Variants in MYO16 observed in about 807,000 individuals in gnomAD.
The protein encoded by MYO16 is unconventional myosin-XVI.
Under a neutral mutation model 205.3 loss-of-function variants are expected in MYO16, and 94 were observed. The ratio of observed to expected loss-of-function variants is 0.46; its 90% CI spans 0.39 to 0.54. The LOEUF (loss-of-function observed/expected upper bound fraction) is 0.54, where lower values mean the gene tolerates loss of function less well. MYO16 is among the 20% of genes least tolerant of loss of function. The pLI is 0.00. For synonymous variants in MYO16, 988 were observed against 954.0 expected, an observed-to-expected ratio of 1.04 and a Z score of -0.66; for missense variants, 2,315 against 2,387.5, an observed-to-expected ratio of 0.97 and a Z score of 0.63.
intron 32 of MYO16, among the ~76,000 whole-genome samples, chr13:109,151,980 T>C (rs1225659921): frequency 6.6e-6 from 1 of 152,180 alleles, no homozygotes; most frequent in African/African-American, 2.4e-5. Context: ...GGAGGGGACA[T>C]ACAGGAGTGC....
intron 9 of MYO16, among the ~76,000 whole-genome samples, chr13:108,828,931 C>T (rs1282572464): frequency 2.6e-5 from 4 of 152,310 alleles, no homozygotes; most frequent in African/African-American, 9.6e-5. Flanking sequence ...ATTTGTTTGC[C>T]AGTCTTGTCT....
intron 16 of MYO16, among the ~76,000 whole-genome samples, chr13:108,954,009 G>A (rs1275826431): frequency 6.6e-6 from 1 of 152,302 alleles, no homozygotes; most frequent in South Asian, 2.1e-4. Flanking sequence ...CCATTACGTA[G>A]TTAACAGACC....
chr13:108,690,812 T>A (rs1474769340), intron 2 of MYO16, among the ~76,000 whole-genome samples: 1 of 152,190 alleles, frequency 6.6e-6, no homozygotes, highest in Non-Finnish European at 1.5e-5. Context: ...TAAAATAAAA[T>A]ACTATTTTAA....
intron 28 of MYO16, among the ~76,000 whole-genome samples, chr13:109,108,332 G>A (rs1252699224): frequency 1.3e-5 from 2 of 152,192 alleles, no homozygotes; most frequent in Admixed American, 1.3e-4. Context: ...GGTATCTGCA[G>A]TGCGTTTGGG....
intron 11 of MYO16, 38 bp from the exon 12 acceptor site, chr13:108,866,139 A>C (rs1254101285): frequency 1.5e-6 from 2 of 1,365,532 alleles, no homozygotes; most frequent in Non-Finnish European, 2.0e-6. Flanking sequence ...GATGCTATTT[A>C]TATGACTCAT....
chr13:108,957,408 C>T (rs1054714049), intron 16 of MYO16, among the ~76,000 whole-genome samples: 2 of 103,188 alleles, frequency 1.9e-5, no homozygotes, highest in Non-Finnish European at 4.2e-5. Flanking sequence ...AAAACAAAAA[C>T]ATGAATCACT....
In MYO16 at chr13:109,023,245, TA is replaced by T. The variant is rs1566467365; in HGVS notation, c.2796+3335del. Among the ~76,000 whole-genome samples, 91 of 105,830 alleles carry T rather than the reference TA, an allele frequency of 8.6e-4. 1 individual carries two copies. The highest frequency in any genetic ancestry group is 3.7e-3 in the South Asian group (12 of 3,264). The allele number at this position is 105,830 out of a possible 152,430, so 69.4% of individuals were successfully genotyped here. The stretch of plus-strand genomic sequence containing the variant: ...TTTATATATTATACAGATATAAATA[TA>T]TATATTTATATATTATACAGATATA... On this transcript the variant is annotated intron_variant, in intron 23 of 34. Transcript: ENST00000457511.
At chr13:109,069,100 A>T (rs1241639707) in intron 27 of MYO16, among the ~76,000 whole-genome samples, 1 of 152,212 alleles carries the variant, frequency 6.6e-6, no homozygotes, top group Non-Finnish European at 1.5e-5. Context: ...ACAAAAGAGC[A>T]GTTCTAATAA....
Position 109,140,236 on chromosome 13 carries a change from C to A in MYO16, c.4052-28C>A, listed in dbSNP as rs751816831. The A allele has an allele frequency of 3.1e-6, 5 of 1,595,946 alleles. No homozygotes were observed. Among genetic ancestry groups the A allele is most frequent in the Non-Finnish European group, 4.2e-6 (5 of 1,177,930 alleles). Reference sequence around the variant, plus strand: ...GGCACCCGTGGGCCTGGCCTGGCACCCACTGACCGCGTCCTTTCCTGCCGC... The same window carrying A: ...GGCACCCGTGGGCCTGGCCTGGCACACACTGACCGCGTCCTTTCCTGCCGC... On this transcript the variant is annotated intron_variant, in intron 31 of 34. Coordinates refer to ENST00000457511, the MANE Select transcript of MYO16 (RefSeq NM_001198950.3). The surrounding 1 kb of genome is among the most constrained non-coding windows in gnomAD (Gnocchi z 8.0).
Position 108,811,218 on chromosome 13 carries a change from C to G in MYO16, c.867+4414C>G, listed in dbSNP as rs146478454. 4.5e-3 allele frequency among the ~76,000 whole-genome samples: 686 copies of G among 152,218 alleles called. 6 individuals carry two copies. Among genetic ancestry groups the G allele is most frequent in the African/African-American group, 0.016 (646 of 41,536 alleles). ...ATGTTTAAAAACCCATTTTTATTCT[C>G]AAATACATTTTTACCCAAGTGTATA... On this transcript the variant is annotated intron_variant, in intron 7 of 34. Transcript: ENST00000457511.
chr13:109,019,781 CA>C lies in MYO16; in HGVS notation c.2673del (p.Lys891AsnfsTer6). The C allele has an allele frequency of 2.5e-6, 4 of 1,613,962 alleles. No individual in the cohort carries two copies. Among genetic ancestry groups the C allele is most frequent in the Non-Finnish European group, 3.4e-6 (4 of 1,179,960 alleles). On this transcript the variant is annotated frameshift_variant, in exon 23 of 35. Transcript: ENST00000457511. LOFTEE classifies it high-confidence loss of function. ...ATTTGGTCAGTGGAATCAAATTTTC[CA>C]AAAAAACTACAAAGTCTCCTAGAAT... The part of the protein sequence containing the change: ...QMIWSVESNF[P>X]KKLQSLLESS...
At chr13:109,192,464 A>G (rs1879963100) in intron 34 of MYO16, among the ~76,000 whole-genome samples, 1 of 152,144 alleles carries the variant, frequency 6.6e-6, no homozygotes, top group African/African-American at 2.4e-5. Flanking sequence ...TCTTAAGGGC[A>G]CTGTAATTGA....
intron 20 of MYO16, among the ~76,000 whole-genome samples, chr13:108,968,380 C>T (rs569289621): frequency 2.0e-5 from 3 of 152,232 alleles, no homozygotes; most frequent in South Asian, 2.1e-4. Context: ...GAGGCCAACG[C>T]GGGTGGATCA....
At chr13:108,998,287 T>A (rs1020288555) in intron 21 of MYO16, among the ~76,000 whole-genome samples, 5 of 152,190 alleles carry the variant, frequency 3.3e-5, no homozygotes, top group Non-Finnish European at 7.3e-5. Flanking sequence ...CCTAGTAGGA[T>A]TCATTTTTCT....
In MYO16 at chr13:109,087,744, C is replaced by A. The variant is rs558424794; in HGVS notation, c.3336-13041C>A. On this transcript the variant is annotated intron_variant, in intron 27 of 34. Coordinates refer to ENST00000457511, the MANE Select transcript of MYO16 (RefSeq NM_001198950.3). ...AGAAAAACACTGGAATAACAAATATCTCCAACAACTAAATCTACCTGTTTA... is the reference window on the plus strand; with the variant it reads ...AGAAAAACACTGGAATAACAAATATATCCAACAACTAAATCTACCTGTTTA... Among the ~76,000 whole-genome samples the A allele has an allele frequency of 3.9e-5, 6 of 152,324 alleles. No individual in the cohort carries two copies. In the South Asian group the frequency reaches 1.2e-3, roughly 32 times the overall value.
chr13:108,941,250 A>C (rs1882708302), intron 16 of MYO16, among the ~76,000 whole-genome samples: 1 of 152,272 alleles, frequency 6.6e-6, no homozygotes, highest in African/African-American at 2.4e-5. Flanking sequence ...AGTAAGAAGC[A>C]GCCAGACAGG....
chr13:108,890,309 T>A (rs1421891407), intron 14 of MYO16, among the ~76,000 whole-genome samples: 2 of 152,136 alleles, frequency 1.3e-5, no homozygotes, highest in African/African-American at 4.8e-5. Context: ...CTGTCCAGTT[T>A]CCTTCAGGTC....
the MYO16 span, among the ~76,000 whole-genome samples, chr13:108,559,358 T>G: frequency 6.6e-6 from 1 of 152,064 alleles, no homozygotes; most frequent in Non-Finnish European, 1.5e-5. Flanking sequence ...AGAGAGGGCA[T>G]GCCCTGCCAA....
intron 1 of MYO16, among the ~76,000 whole-genome samples, chr13:108,644,374 A>G (rs112335071): frequency 0.058 from 6,740 of 116,062 alleles, 395 homozygotes; most frequent in African/African-American, 0.2. Context: ...CTATCTATCT[A>G]TCTATCTATC....
Sources: allele counts gnomAD v4.1 joint callset (sites outside exome capture counted in the v4.1 genomes callset), GRCh38; gene constraint gnomAD v4.1.1; non-coding constraint Gnocchi (gnomAD v3.1); transcripts MANE v1.5; gene names NCBI Gene and HGNC (gene_info 2026-07-23, HGNC 2026-07-21).